The following APBA2 variants were observed in gnomAD, a reference collection of about 807,000 sequenced individuals.
APBA2 encodes the protein amyloid beta precursor protein binding family A member 2.
Under a neutral mutation model 75.0 loss-of-function variants are expected in APBA2, and 30 were observed. The ratio of observed to expected loss-of-function variants is 0.40; its 90% CI spans 0.30 to 0.54. The LOEUF is 0.54. APBA2 is among the 20% of genes least tolerant of loss of function. The probability of loss-of-function intolerance (pLI) is 0.49; values close to 1 mark genes in which losing one functional copy is unlikely to be tolerated. For missense variants in APBA2, 801 were observed against 1,016.1 expected, an observed-to-expected ratio of 0.79 and a Z score of 2.88; for synonymous variants, 444 against 409.6, an observed-to-expected ratio of 1.08 and a Z score of -1.01.
rs572344057 is a variant in APBA2, at chr15:29,085,409, C to T, written c.1070-7666C>T. Among the ~76,000 whole-genome samples the T allele has an allele frequency of 3.3e-5, 5 of 151,436 alleles. No homozygotes were observed. The South Asian group carries it at 1.0e-3, about 32-fold the overall frequency. On this transcript the variant is annotated intron_variant, in intron 6 of 14. Transcript: ENST00000683413. The stretch of plus-strand genomic sequence containing the variant: ...GCGTGGTGGCGGGCGCCTATAGTCC[C>T]AGCTACTCAGGAGGCTGAGACAGGA...
intron 2 of APBA2, among the ~76,000 whole-genome samples, chr15:28,987,597 T>C (rs566004288): frequency 6.6e-6 from 1 of 151,828 alleles, no homozygotes; most frequent in Non-Finnish European, 1.5e-5. Context: ...TGACCTGGTC[T>C]CATTAGTCAT....
At chr15:28,907,667 A>G (rs1458740377) in intron 1 of APBA2, among the ~76,000 whole-genome samples, 1 of 152,196 alleles carries the variant, frequency 6.6e-6, no homozygotes, top group African/African-American at 2.4e-5. Context: ...CTCAGGATCA[A>G]TGCTTGGGAA....
chr15:28,972,859 CA>C, intron 2 of APBA2, among the ~76,000 whole-genome samples: 1 of 152,240 alleles, frequency 6.6e-6, no homozygotes, highest in Non-Finnish European at 1.5e-5. Context: ...CAATGTCAGC[CA>C]AAAAATACTC....
At chr15:29,073,630 G>A (rs559919994) in intron 4 of APBA2, among the ~76,000 whole-genome samples, 31 of 152,324 alleles carry the variant, frequency 2.0e-4, no homozygotes, top group African/African-American at 7.5e-4. Flanking sequence ...GGGATTACAG[G>A]CGTGAGCCAC....
intron 3 of APBA2, among the ~76,000 whole-genome samples, chr15:29,012,736 A>G (rs957595350): frequency 2.0e-5 from 3 of 152,050 alleles, no homozygotes; most frequent in Admixed American, 6.6e-5. Context: ...CTGTGTTTCA[A>G]CTCTACCAAT....
At chr15:29,015,978 G>T (rs558703864) in intron 3 of APBA2, among the ~76,000 whole-genome samples, 5 of 152,218 alleles carry the variant, frequency 3.3e-5, no homozygotes, top group Non-Finnish European at 5.9e-5. Flanking sequence ...CTTATGGTTG[G>T]CCGGGCGCGG....
chr15:28,977,861 G>A lies in APBA2; in HGVS notation c.-94-17892G>A, dbSNP rs1447938461. Among the ~76,000 whole-genome samples the A allele has an allele frequency of 2.0e-5, 3 of 152,086 alleles. 1 individual carries two copies. Among genetic ancestry groups the A allele is most frequent in the South Asian group, 4.1e-4 (2 of 4,824 alleles). On this transcript the variant is annotated intron_variant, in intron 2 of 14. Transcript: ENST00000683413. ...GCTGTTGTGTCTCTCCCATACAGTC[G>A]GGTGTGGAGCAGTTGGACCCACATA...
At chr15:29,084,366 T>C (rs1036540310) in intron 6 of APBA2, among the ~76,000 whole-genome samples, 35 of 152,224 alleles carry the variant, frequency 2.3e-4, no homozygotes, top group Non-Finnish European at 4.7e-4. Context: ...GAAAGATCTA[T>C]GCTTTTAATT....
chr15:28,897,487 G>A (rs1424846165), intron 1 of APBA2, among the ~76,000 whole-genome samples: 3 of 151,820 alleles, frequency 2.0e-5, no homozygotes, highest in Non-Finnish European at 2.9e-5. Flanking sequence ...GCATGGTGGC[G>A]GGCGCCTATA....
chr15:28,936,465 G>C (rs1270802744), intron 2 of APBA2, among the ~76,000 whole-genome samples: 4 of 152,242 alleles, frequency 2.6e-5, no homozygotes, highest in Non-Finnish European at 5.9e-5. Context: ...CAGGTCAGAA[G>C]GGGGTTTGGA....
chr15:29,054,839 G>A lies in APBA2; in HGVS notation c.951+4G>A, dbSNP rs966472130. 2.5e-6 allele frequency: 4 copies of A among 1,596,080 alleles called. No homozygotes were observed. Among genetic ancestry groups the A allele is most frequent in the Non-Finnish European group, 3.4e-6 (4 of 1,178,352 alleles). Reference sequence around the variant, plus strand: ...GCTGAAGTGGCCCCACGAGCAGGTAGGACCCTGGCTGTCCTGGGGAAGGGA... The same window carrying A: ...GCTGAAGTGGCCCCACGAGCAGGTAAGACCCTGGCTGTCCTGGGGAAGGGA... On this transcript the variant is annotated splice_donor_region_variant and intron_variant, in intron 4 of 14. Transcript: ENST00000683413. This position sits in a 1 kb window ranked among gnomAD's most constrained non-coding sequence, Gnocchi z 6.1.
chr15:28,955,023 T>C (rs185312081), intron 2 of APBA2, among the ~76,000 whole-genome samples: 7 of 152,250 alleles, frequency 4.6e-5, no homozygotes, highest in South Asian at 4.1e-4. Flanking sequence ...CCCAGCCCCA[T>C]TGCTCACGGT....
At chr15:28,933,625 G>A (rs74006740) in intron 2 of APBA2, among the ~76,000 whole-genome samples, 363 of 152,310 alleles carry the variant, frequency 2.4e-3, no homozygotes, top group African/African-American at 8.3e-3. Context: ...ACACTGGCTC[G>A]GATTTTCAGA....
chr15:28,896,234 A>G (rs535173932), intron 1 of APBA2, among the ~76,000 whole-genome samples: 4 of 152,234 alleles, frequency 2.6e-5, no homozygotes, highest in Non-Finnish European at 5.9e-5. Flanking sequence ...CTAATATTAT[A>G]TTAGTAGTTC....
At chr15:28,919,933 G>T (rs1186346288) in intron 1 of APBA2, among the ~76,000 whole-genome samples, 1 of 152,128 alleles carries the variant, frequency 6.6e-6, no homozygotes, top group African/African-American at 2.4e-5. Flanking sequence ...TTCCTCTGTA[G>T]CCCGATGTCT....
rs971613004 is a variant in APBA2, at chr15:28,991,251, C to T, written c.-94-4502C>T. Among the ~76,000 whole-genome samples, 3 of 152,228 alleles carry T rather than the reference C, an allele frequency of 2.0e-5. No homozygotes were observed. The highest frequency in any genetic ancestry group is 4.4e-5 in the Non-Finnish European group (3 of 68,040). On this transcript the variant is annotated intron_variant, in intron 2 of 14. Coordinates refer to ENST00000683413, the MANE Select transcript of APBA2 (RefSeq NM_001353788.2). This position sits in a 1 kb window ranked among gnomAD's most constrained non-coding sequence, Gnocchi z 4.7. ...AACTCCCTAAGCCCCACAGTAAAAA[C>T]GTCTCTCCTGGTCTGGGGGCGCATC...
intron 4 of APBA2, among the ~76,000 whole-genome samples, chr15:29,055,236 C>T (rs56225937): frequency 0.027 from 4,072 of 152,250 alleles, 182 homozygotes; most frequent in African/African-American, 0.092. Flanking sequence ...CGTGGGGGTG[C>T]TGGTGCTCAC....
chr15:28,975,418 C>T (rs776476294), intron 2 of APBA2, among the ~76,000 whole-genome samples: 94 of 152,272 alleles, frequency 6.2e-4, no homozygotes, highest in Middle Eastern at 3.4e-3. Context: ...AGAGAGAACC[C>T]TTTAAAAATG....
rs369021164 is a variant in APBA2, at chr15:28,896,119, T to A, written c.-205+9841T>A. On this transcript the variant is annotated intron_variant, in intron 1 of 14. Transcript: ENST00000683413. Reference sequence around the variant, plus strand: ...CAGTGAGAACCTGTCTCAAAAAAAATATCTGATTTGAAGGAGAGGGAGCTC... The same window carrying A: ...CAGTGAGAACCTGTCTCAAAAAAAAAATCTGATTTGAAGGAGAGGGAGCTC... Among the ~76,000 whole-genome samples the A allele has an allele frequency of 2.6e-4, 39 of 151,950 alleles. 1 individual carries two copies. The highest frequency in any genetic ancestry group is 1.4e-3 in the East Asian group (7 of 5,168).
Sources: allele counts gnomAD v4.1 joint callset (sites outside exome capture counted in the v4.1 genomes callset), GRCh38; gene constraint gnomAD v4.1.1; non-coding constraint Gnocchi (gnomAD v3.1); transcripts MANE v1.5; gene names NCBI Gene and HGNC (gene_info 2026-07-23, HGNC 2026-07-21).